The following SUSD6 variants were observed in gnomAD, a reference collection of about 807,000 sequenced individuals.
SUSD6 encodes sushi domain containing 6.
SUSD6 carries 16 observed loss-of-function variants against 28.4 expected under a neutral mutation model. That is an observed-to-expected ratio of 0.56 (90% CI 0.38 to 0.86). The LOEUF (loss-of-function observed/expected upper bound fraction) is 0.86. Ranked by LOEUF, SUSD6 falls within the 40% of genes least tolerant of loss-of-function variation. The pLI is 0.00. For missense variants in SUSD6, 341 were observed against 384.2 expected (o/e 0.89, Z 0.94); for synonymous variants, 147 against 159.6 (o/e 0.92, Z 0.59).
At chr14:69,677,424 G>A (rs1463300505) in intron 2 of SUSD6, among the ~76,000 whole-genome samples, 1 of 152,092 alleles carries the variant, frequency 6.6e-6, no homozygotes, top group Non-Finnish European at 1.5e-5. Flanking sequence ...GTGGACGCCT[G>A]TAGTCCCAGC....
chr14:69,652,014 T>A (rs1409945975), intron 1 of SUSD6, among the ~76,000 whole-genome samples: 1 of 152,192 alleles, frequency 6.6e-6, no homozygotes, highest in Admixed American at 6.5e-5. Flanking sequence ...GGATCAAGGT[T>A]GGTGAACATA....
intron 4 of SUSD6, 93 bp from the exon 5 acceptor site, chr14:69,708,584 C>T: frequency 8.9e-7 from 1 of 1,117,978 alleles, no homozygotes; most frequent in Non-Finnish European, 1.3e-6. Context: ...AGTAAGTGCT[C>T]AAAAATGGTG....
At chr14:69,678,130 C>T (rs1885941534) in intron 2 of SUSD6, among the ~76,000 whole-genome samples, 2 of 151,536 alleles carry the variant, frequency 1.3e-5, no homozygotes, top group Non-Finnish European at 2.9e-5. Flanking sequence ...TTTGGTGTTC[C>T]TGCTTCAACA....
chr14:69,637,641 C>A (rs1481262134), intron 1 of SUSD6, among the ~76,000 whole-genome samples: 2 of 152,086 alleles, frequency 1.3e-5, no homozygotes, highest in African/African-American at 4.8e-5. Flanking sequence ...CCATCCCCAC[C>A]CCCAGGACAC....
intron 1 of SUSD6, among the ~76,000 whole-genome samples, chr14:69,619,467 A>G (rs1035567860): frequency 3.3e-5 from 5 of 152,104 alleles, no homozygotes; most frequent in African/African-American, 9.7e-5. Flanking sequence ...TTGCCATTCA[A>G]AAATGCCACC....
intron 1 of SUSD6, among the ~76,000 whole-genome samples, chr14:69,649,218 A>G (rs570491650): frequency 3.9e-5 from 6 of 152,310 alleles, no homozygotes; most frequent in South Asian, 2.1e-4. Context: ...ATTCATCTCT[A>G]TGATCACCCA....
At chr14:69,698,769 C>T (rs139161860) in intron 2 of SUSD6, among the ~76,000 whole-genome samples, 95 of 152,322 alleles carry the variant, frequency 6.2e-4, no homozygotes, top group African/African-American at 2.2e-3. Context: ...TGACTGAATG[C>T]CTACTGTGTG....
chr14:69,708,952 G>C lies in SUSD6; in HGVS notation c.734G>C (p.Arg245Pro), dbSNP rs765876481. The C allele has an allele frequency of 6.2e-7, 1 of 1,614,132 alleles. No individual in the cohort carries two copies. Among genetic ancestry groups the C allele is most frequent in the Non-Finnish European group, 8.5e-7 (1 of 1,180,026 alleles). ...QSGLCEAWGS[R>P]ASETVMVHQA... Reference sequence around the variant, plus strand: ...GGACTATGTGAAGCCTGGGGCTCTCGGGCCTCAGAGACTGTGATGGTGCAT... The same window carrying C: ...GGACTATGTGAAGCCTGGGGCTCTCCGGCCTCAGAGACTGTGATGGTGCAT... The change falls in exon 5 of 6, where the codon CGG becomes CCG. Residue 245 changes from arginine (R) to proline (P), a missense_variant. Transcript: ENST00000342745.
rs571731411 is a variant in SUSD6 at position 69,618,967 on chromosome 14, G to T, written c.-81+7139G>T. Among the ~76,000 whole-genome samples, 9 of 152,286 alleles carry T rather than the reference G, an allele frequency of 5.9e-5. No individual in the cohort carries two copies. The South Asian group carries it at 8.3e-4, about 14-fold the overall frequency. On this transcript the variant is annotated intron_variant, in intron 1 of 5. Transcript: ENST00000342745. ...TAGAGTTGGAAAAATGGGCCTTTGGGGTTCTTCTTATTCTACCTCCTCATT... is the reference window on the plus strand; with the variant it reads ...TAGAGTTGGAAAAATGGGCCTTTGGTGTTCTTCTTATTCTACCTCCTCATT...
chr14:69,693,136 G>A (rs902609370), intron 2 of SUSD6, among the ~76,000 whole-genome samples: 5 of 152,234 alleles, frequency 3.3e-5, no homozygotes, highest in Non-Finnish European at 5.9e-5. Flanking sequence ...GGAGACAGCT[G>A]TGGGCTCTGC....
intron 1 of SUSD6, among the ~76,000 whole-genome samples, chr14:69,639,969 T>TTG (rs1157393422): frequency 1.3e-5 from 2 of 148,316 alleles, no homozygotes; most frequent in Non-Finnish European, 3.0e-5. Flanking sequence ...TTTTTTTTTT[T>TTG]TTTTTTTTTT....
At chr14:69,669,902 C>G (rs1693926900) in intron 2 of SUSD6, among the ~76,000 whole-genome samples, 1 of 152,190 alleles carries the variant, frequency 6.6e-6, no homozygotes, top group Non-Finnish European at 1.5e-5. Context: ...AGGATTCCAA[C>G]TCTTAGAATC....
chr14:69,643,287 C>T (rs1486018194), intron 1 of SUSD6, among the ~76,000 whole-genome samples: 2 of 152,170 alleles, frequency 1.3e-5, no homozygotes, highest in African/African-American at 2.4e-5. Flanking sequence ...ATGTCTTTTC[C>T]TTCTGTGTTC....
rs139074822 is a variant in SUSD6, at chr14:69,636,680, A to G, written c.-80-21833A>G. Among the ~76,000 whole-genome samples the G allele has an allele frequency of 3.9e-4, 59 of 152,160 alleles. No homozygotes were observed. In the East Asian group the frequency reaches 9.3e-3, roughly 24 times the overall value. The stretch of plus-strand genomic sequence containing the variant: ...TCTTTTTTTCTCATGAGCTGTTCCT[A>G]CCTTGTTGGAGTTCCTGGAGGCTAG... On this transcript the variant is annotated intron_variant, in intron 1 of 5. Coordinates refer to ENST00000342745, the MANE Select transcript of SUSD6 (RefSeq NM_014734.4).
intron 1 of SUSD6, among the ~76,000 whole-genome samples, chr14:69,650,647 C>A (rs945308): frequency 6.6e-6 from 1 of 152,138 alleles, no homozygotes; most frequent in African/African-American, 2.4e-5. Flanking sequence ...CTCCTCCCCC[C>A]TCTTTTTCTG....
intron 1 of SUSD6, among the ~76,000 whole-genome samples, chr14:69,617,860 AG>A (rs1261220423): frequency 6.6e-6 from 1 of 152,098 alleles, no homozygotes; most frequent in Non-Finnish European, 1.5e-5. Flanking sequence ...GGTAGGGAGG[AG>A]GGAGAGGGTC....
chr14:69,613,599 T>G (rs1457811445), intron 1 of SUSD6, among the ~76,000 whole-genome samples: 1 of 152,238 alleles, frequency 6.6e-6, no homozygotes, highest in East Asian at 1.9e-4. Flanking sequence ...ATTGAATAAG[T>G]CAGAATCCAG....
chr14:69,652,516 C>T (rs2139610143), intron 1 of SUSD6, among the ~76,000 whole-genome samples: 1 of 152,052 alleles, frequency 6.6e-6, no homozygotes. Context: ...CTGACTTTAC[C>T]CACGCAGCAC....
intron 1 of SUSD6, among the ~76,000 whole-genome samples, chr14:69,614,429 G>C (rs558303710): frequency 1.3e-5 from 2 of 152,062 alleles, no homozygotes. Context: ...TTGCTCTTTT[G>C]GTGGGGCAGC....
Sources: gnomAD v4.1 joint callset for allele counts (sites outside exome capture counted in the v4.1 genomes callset) on GRCh38, gnomAD v4.1.1 for gene constraint, MANE v1.5 for transcripts, NCBI Gene and HGNC (gene_info 2026-07-23, HGNC 2026-07-21) for gene names.